The following TCERG1L variants were observed in gnomAD, a reference collection of about 807,000 sequenced individuals.
TCERG1L encodes transcription elongation regulator 1-like protein.
In TCERG1L, 37 loss-of-function variants were observed where a neutral mutation model predicts 56.3. That is an observed-to-expected ratio of 0.66 (90% confidence interval 0.51 to 0.87). TCERG1L has a LOEUF of 0.87. TCERG1L is among the 40% of genes least tolerant of loss of function. The pLI is 0.00. For missense variants in TCERG1L, 799 were observed against 774.2 expected, an observed-to-expected ratio of 1.03 and a Z score of -0.38; for synonymous variants, 324 against 326.3, an observed-to-expected ratio of 0.99 and a Z score of 0.08.
At chr10:131,238,658 C>T (rs140323860) in intron 4 of TCERG1L, among the ~76,000 whole-genome samples, 14 of 152,312 alleles carry the variant, frequency 9.2e-5, no homozygotes, top group Middle Eastern at 6.8e-3. Flanking sequence ...AATAGGAAGT[C>T]GCCCTTCCAT....
chr10:131,252,577 G>A (rs1157073412), intron 4 of TCERG1L, among the ~76,000 whole-genome samples: 1 of 152,064 alleles, frequency 6.6e-6, no homozygotes, highest in African/African-American at 2.4e-5. Flanking sequence ...TTTGAGTGTT[G>A]GGACCGGAAG....
At chr10:131,125,505 CTAA>C (rs1022293481) in intron 8 of TCERG1L, among the ~76,000 whole-genome samples, 4 of 152,222 alleles carry the variant, frequency 2.6e-5, no homozygotes, top group African/African-American at 9.6e-5. Context: ...CTCAGACATT[CTAA>C]TGTGTGGTTG....
chr10:131,219,420 C>A (rs1401948608), intron 4 of TCERG1L, among the ~76,000 whole-genome samples: 1 of 152,218 alleles, frequency 6.6e-6, no homozygotes, highest in East Asian at 1.9e-4. Flanking sequence ...TGCTCTTGCC[C>A]CCAGGCCAGG....
chr10:131,162,312 A>T (rs1012263540), intron 6 of TCERG1L: 2 of 152,444 alleles, frequency 1.3e-5, no homozygotes, highest in African/African-American at 4.8e-5. Flanking sequence ...GGAGCCTGCC[A>T]CCGACACTGA....
intron 3 of TCERG1L, among the ~76,000 whole-genome samples, chr10:131,270,703 T>C (rs760242402): frequency 1.1e-4 from 16 of 152,230 alleles, no homozygotes; most frequent in Admixed American, 2.0e-4. Flanking sequence ...GCAAAAGAGT[T>C]TTGGTTGCAT....
At chr10:131,308,188 G>T (rs199739739) in intron 3 of TCERG1L, 23 bp downstream of exon 3, 1 of 1,579,916 alleles carries the variant, frequency 6.3e-7, no homozygotes, top group Non-Finnish European at 8.6e-7. Flanking sequence ...AACAGACATT[G>T]TCAATGTTAT....
At chr10:131,288,021 C>G (rs1289730122) in intron 3 of TCERG1L, among the ~76,000 whole-genome samples, 2 of 152,160 alleles carry the variant, frequency 1.3e-5, no homozygotes, top group Admixed American at 6.5e-5. Flanking sequence ...CTGACTTCTT[C>G]CAGATGGTGT....
At position 131,212,123 on chromosome 10, in the gene TCERG1L, G is replaced by A. The variant is rs147299345; in HGVS notation, c.857-45238C>T. ...ACCTCATCTCCCCAGGTGACGGTGT[G>A]GGAACCATCCCTGCCCAAAAGTGCA... On this transcript the variant is annotated intron_variant, in intron 4 of 11. Coordinates refer to ENST00000368642, the MANE Select transcript of TCERG1L (RefSeq NM_174937.4). Among the ~76,000 whole-genome samples, 83 of 152,304 alleles carry A rather than the reference G, an allele frequency of 5.4e-4. No individual in the cohort carries two copies. In the East Asian group the frequency reaches 8.7e-3, roughly 16 times the overall value.
rs1242618393 is a variant in TCERG1L, at chr10:131,191,806, A to G, written c.857-24921T>C. 2.6e-5 allele frequency among the ~76,000 whole-genome samples: 3 copies of G among 116,188 alleles called. 1 individual carries two copies. The highest frequency in any genetic ancestry group is 9.7e-5 in the African/African-American group (3 of 30,876). 76.2% of individuals were successfully genotyped at this position (116,188 alleles called of 152,430 possible). On this transcript the variant is annotated intron_variant, in intron 4 of 11. Coordinates refer to ENST00000368642, the MANE Select transcript of TCERG1L (RefSeq NM_174937.4). ...CGTGAACCCTGGAGGCAGAGCTTGC[A>G]GTGAGCTGAGATCGCGCCACTGCAC...
chr10:131,135,695 C>T (rs955290471), intron 7 of TCERG1L, among the ~76,000 whole-genome samples: 5 of 152,228 alleles, frequency 3.3e-5, no homozygotes, highest in Non-Finnish European at 7.3e-5. Context: ...CACCCCTGCC[C>T]ACGAGCCACA....
Position 131,188,954 on chromosome 10 carries a change from G to C in TCERG1L, c.857-22069C>G, listed in dbSNP as rs76613360. Among the ~76,000 whole-genome samples, 403 of 152,144 alleles carry C rather than the reference G, an allele frequency of 2.6e-3. 3 individuals are homozygous for C. The highest frequency in any genetic ancestry group is 9.4e-3 in the African/African-American group (389 of 41,508). On this transcript the variant is annotated intron_variant, in intron 4 of 11. Coordinates refer to ENST00000368642, the MANE Select transcript of TCERG1L (RefSeq NM_174937.4). ...TCTATCCCTTTTTCTGTACACAAAT[G>C]AACCATAGTATATACTTTCTTTGCA... is the stretch of plus-strand genomic sequence containing the variant.
intron 3 of TCERG1L, among the ~76,000 whole-genome samples, chr10:131,279,898 T>C (rs1479045243): frequency 6.6e-6 from 1 of 152,044 alleles, no homozygotes; most frequent in African/African-American, 2.4e-5. Flanking sequence ...GGGCACACCC[T>C]CCTCTCAACA....
intron 4 of TCERG1L, among the ~76,000 whole-genome samples, chr10:131,179,761 G>A (rs1299846103): frequency 2.0e-5 from 3 of 152,198 alleles, no homozygotes; most frequent in African/African-American, 7.2e-5. Flanking sequence ...AGAAGCAGCT[G>A]CATGCGTCGC....
chr10:131,282,676 C>A (rs1302927538), intron 3 of TCERG1L, among the ~76,000 whole-genome samples: 1 of 152,154 alleles, frequency 6.6e-6, no homozygotes, highest in Non-Finnish European at 1.5e-5. Flanking sequence ...TGCTACAGAA[C>A]AGGCACTCAA....
intron 4 of TCERG1L, among the ~76,000 whole-genome samples, chr10:131,180,597 C>G (rs1188152427): frequency 2.0e-5 from 3 of 152,120 alleles, no homozygotes; most frequent in East Asian, 1.9e-4. Context: ...TCAAGGGGGG[C>G]CGGTACTATT....
chr10:131,107,912 C>T (rs537318885), intron 9 of TCERG1L, among the ~76,000 whole-genome samples: 100 of 152,054 alleles, frequency 6.6e-4, no homozygotes, highest in African/African-American at 1.9e-3. Flanking sequence ...TGCACACATA[C>T]GCACAAAGAT....
intron 10 of TCERG1L, among the ~76,000 whole-genome samples, chr10:131,101,378 T>A (rs1220211113): frequency 6.6e-6 from 1 of 152,256 alleles, no homozygotes; most frequent in Non-Finnish European, 1.5e-5. Flanking sequence ...GGCTTGATCA[T>A]AAGTTGGAAT....
chr10:131,260,209 G>C lies in TCERG1L; in HGVS notation c.856+50C>G, dbSNP rs371100743. On this transcript the variant is annotated intron_variant, in intron 4 of 11. Coordinates refer to ENST00000368642, the MANE Select transcript of TCERG1L (RefSeq NM_174937.4). The surrounding 1 kb of genome is among the most constrained non-coding windows in gnomAD (Gnocchi z 5.8). ...AGGGGCATCTAACCAGGAAGCCTCCGCGCGCTCGCTAAGGCAGCACCAGGC... is the reference window on the plus strand; with the variant it reads ...AGGGGCATCTAACCAGGAAGCCTCCCCGCGCTCGCTAAGGCAGCACCAGGC... 7.7e-6 allele frequency: 10 copies of C among 1,307,116 alleles called. No homozygotes were observed. Among genetic ancestry groups the C allele is most frequent in the Non-Finnish European group, 7.8e-6 (8 of 1,025,454 alleles). The allele number at this position is 1,307,116 out of a possible 1,614,324, so 81.0% of individuals were successfully genotyped here. A position where few individuals can be genotyped will look rare whatever the true frequency, so the allele number is the denominator to read the frequency against.
At chr10:131,296,939 A>C (rs1009462112) in intron 3 of TCERG1L, among the ~76,000 whole-genome samples, 1 of 152,202 alleles carries the variant, frequency 6.6e-6, no homozygotes, top group Non-Finnish European at 1.5e-5. Flanking sequence ...TTGACCTTGC[A>C]TCCTGCAACC....
Sources: gnomAD v4.1 joint callset for allele counts (sites outside exome capture counted in the v4.1 genomes callset) on GRCh38, gnomAD v4.1.1 for gene constraint, Gnocchi (gnomAD v3.1) non-coding constraint, MANE v1.5 for transcripts, NCBI Gene and HGNC (gene_info 2026-07-23, HGNC 2026-07-21) for gene names.